The following ERBB4 variants were observed in gnomAD, a reference collection of about 807,000 sequenced individuals.
The protein encoded by ERBB4 is erb-b2 receptor tyrosine kinase 4, also known as receptor tyrosine-protein kinase erbB-4.
ERBB4 carries 42 observed loss-of-function variants against 158.0 expected under a neutral mutation model. The observed-to-expected ratio is 0.27, with a 90% CI of 0.21 to 0.34. ERBB4 has a LOEUF of 0.34. Ranked by LOEUF, ERBB4 falls within the 10% of genes least tolerant of loss-of-function variation. The pLI, the probability that ERBB4 is intolerant of heterozygous loss-of-function variation, is 1.00. For missense variants in ERBB4, 1,333 were observed against 1,624.1 expected (o/e 0.82, Z 3.08); for synonymous variants, 583 against 558.7 (o/e 1.04, Z -0.61).
chr2:212,329,959 T>C (rs1253124665), intron 1 of ERBB4, among the ~76,000 whole-genome samples: 2 of 152,056 alleles, frequency 1.3e-5, no homozygotes, highest in Non-Finnish European at 2.9e-5. Context: ...AAGAGTCCAC[T>C]GAAATCAAAA....
At chr2:212,200,631 G>A (rs2105901211) in intron 1 of ERBB4, among the ~76,000 whole-genome samples, 1 of 152,252 alleles carries the variant, frequency 6.6e-6, no homozygotes. Context: ...TGCTACAGTA[G>A]GCCAACTGGA....
intron 2 of ERBB4, among the ~76,000 whole-genome samples, chr2:212,054,162 G>A (rs1176183094): frequency 6.6e-6 from 1 of 152,126 alleles, no homozygotes; most frequent in African/African-American, 2.4e-5. Context: ...TGGAGTATAT[G>A]TGCTATGTAG....
intron 3 of ERBB4, among the ~76,000 whole-genome samples, chr2:211,813,457 A>G (rs1051544846): frequency 1.3e-5 from 2 of 152,182 alleles, no homozygotes; most frequent in African/African-American, 4.8e-5. Flanking sequence ...TTCTACACTT[A>G]CCTTCAGTTT....
At chr2:211,923,176 A>C (rs2079917596) in intron 3 of ERBB4, among the ~76,000 whole-genome samples, 1 of 152,180 alleles carries the variant, frequency 6.6e-6, no homozygotes, top group South Asian at 2.1e-4. Flanking sequence ...CTAGAGGAAG[A>C]CAAGACGGCA....
Position 211,985,548 on chromosome 2 carries a change from G to A in ERBB4, c.235-37932C>T, listed in dbSNP as rs777126965. 6.0e-4 allele frequency among the ~76,000 whole-genome samples: 91 copies of A among 152,134 alleles called. 1 individual carries two copies. The highest frequency in any genetic ancestry group is 9.3e-4 in the Non-Finnish European group (63 of 68,028). ...GGCAAATACAGAACTCATTACAGAT[G>A]TGAGTAGAAGAAATTATTAAGTACT... On this transcript the variant is annotated intron_variant, in intron 2 of 27. Coordinates refer to ENST00000342788, the MANE Select transcript of ERBB4 (RefSeq NM_005235.3).
At chr2:211,612,827 A>T (rs1397869640) in intron 19 of ERBB4, among the ~76,000 whole-genome samples, 1 of 152,084 alleles carries the variant, frequency 6.6e-6, no homozygotes, top group Middle Eastern at 3.2e-3. Flanking sequence ...GTATAAAAAG[A>T]AGAGGAAATT....
chr2:211,912,651 T>C (rs1192999114), intron 3 of ERBB4, among the ~76,000 whole-genome samples: 1 of 152,186 alleles, frequency 6.6e-6, no homozygotes, highest in African/African-American at 2.4e-5. Flanking sequence ...TACCCCAAAA[T>C]ATATCTCTTT....
At chr2:212,314,612 A>T (rs760850702) in intron 1 of ERBB4, among the ~76,000 whole-genome samples, 1 of 151,148 alleles carries the variant, frequency 6.6e-6, no homozygotes, top group Non-Finnish European at 1.5e-5. Flanking sequence ...AAAAGAATCA[A>T]ATTTTGAAGC....
At chr2:211,387,537 A>G (rs1452286770) in intron 26 of ERBB4, among the ~76,000 whole-genome samples, 1 of 152,176 alleles carries the variant, frequency 6.6e-6, no homozygotes, top group Non-Finnish European at 1.5e-5. Context: ...GTACATGGAT[A>G]TATTTTGAAT....
intron 20 of ERBB4, among the ~76,000 whole-genome samples, chr2:211,523,421 C>T (rs1408274089): frequency 1.3e-5 from 2 of 151,202 alleles, no homozygotes; most frequent in East Asian, 4.0e-4. Flanking sequence ...GGTTCTTGGT[C>T]TCGCTGACTT....
Position 212,084,765 on chromosome 2 carries a change from C to A in ERBB4, c.234+39987G>T, listed in dbSNP as rs16847678. Among the ~76,000 whole-genome samples the A allele has an allele frequency of 2.8e-3, 418 of 151,854 alleles. 18 individuals are homozygous for A. The East Asian group carries it at 0.073, about 27-fold the overall frequency. ...TATGTGTTAAAATAGAAAAGAGGAA[C>A]CCACAGAATGTTAAAATAATAAAAA... On this transcript the variant is annotated intron_variant, in intron 2 of 27. Transcript: ENST00000342788.
intron 1 of ERBB4, among the ~76,000 whole-genome samples, chr2:212,487,196 A>G (rs79057066): frequency 0.039 from 5,916 of 152,224 alleles, 167 homozygotes; most frequent in South Asian, 0.1. Context: ...GGGGAGAGGG[A>G]GGCAAGGGAT....
chr2:212,337,463 T>C (rs2088496526), intron 1 of ERBB4, among the ~76,000 whole-genome samples: 1 of 152,108 alleles, frequency 6.6e-6, no homozygotes, highest in Non-Finnish European at 1.5e-5. Flanking sequence ...TTTCACAAAA[T>C]TGTAGATGGC....
chr2:211,726,440 C>T (rs1389417180), intron 5 of ERBB4, among the ~76,000 whole-genome samples: 3 of 152,094 alleles, frequency 2.0e-5, no homozygotes, highest in Non-Finnish European at 4.4e-5. Context: ...CTCTTCTTCC[C>T]ACACCCACTA....
intron 5 of ERBB4, among the ~76,000 whole-genome samples, chr2:211,730,408 G>A (rs2074390974): frequency 3.9e-5 from 6 of 151,928 alleles, no homozygotes; most frequent in Admixed American, 3.9e-4. Flanking sequence ...TTTAGGCAAA[G>A]TCTTTGTGTC....
intron 1 of ERBB4, among the ~76,000 whole-genome samples, chr2:212,257,279 G>T (rs977124244): frequency 3.9e-5 from 6 of 152,082 alleles, no homozygotes; most frequent in African/African-American, 1.4e-4. Flanking sequence ...CTATGCTTTA[G>T]GTGATATGGA....
chr2:212,247,797 C>CAACAAAA (rs2084367109), intron 1 of ERBB4, among the ~76,000 whole-genome samples: 1 of 152,068 alleles, frequency 6.6e-6, no homozygotes, highest in African/African-American at 2.4e-5. Flanking sequence ...AACCCCATCT[C>CAACAAAA]TGCTGAAAAT....
chr2:212,282,709 G>A (rs938149847), intron 1 of ERBB4, among the ~76,000 whole-genome samples: 1 of 151,888 alleles, frequency 6.6e-6, no homozygotes, highest in South Asian at 2.1e-4. Context: ...ACCCACTGAA[G>A]CAGAATCTCC....
chr2:212,016,160 AC>A (rs1325250277), intron 2 of ERBB4, among the ~76,000 whole-genome samples: 1 of 149,312 alleles, frequency 6.7e-6, no homozygotes, highest in East Asian at 2.0e-4. Flanking sequence ...ATATATTTTA[AC>A]TTTTTTTTTT....
Sources: gnomAD v4.1 joint callset for allele counts (sites outside exome capture counted in the v4.1 genomes callset) on GRCh38, gnomAD v4.1.1 for gene constraint, MANE v1.5 for transcripts, NCBI Gene and HGNC (gene_info 2026-07-23, HGNC 2026-07-21) for gene names.